The following ABCB9 variants were observed in gnomAD, a reference collection of about 807,000 sequenced individuals.
ABCB9 encodes the protein ABC-type oligopeptide transporter ABCB9.
In ABCB9, 36 loss-of-function variants were observed where a neutral mutation model predicts 62.0. That is an observed-to-expected ratio of 0.58 (90% CI 0.45 to 0.77). The LOEUF is 0.77. Among genes scored for constraint, ABCB9 ranks in the 30% least tolerant of loss-of-function variants. ABCB9 has a pLI of 0.00. For synonymous variants in ABCB9, 435 were observed against 461.4 expected, an observed-to-expected ratio of 0.94 and a Z score of 0.73; for missense variants, 943 against 1,054.7, an observed-to-expected ratio of 0.89 and a Z score of 1.47.
chr12:122,970,869 G>A (rs974389351), upstream of ABCB9, among the ~76,000 whole-genome samples: 1 of 152,162 alleles, frequency 6.6e-6, no homozygotes, highest in Non-Finnish European at 1.5e-5. Context: ...GAAAAGGCAC[G>A]GAGGAACCTT....
At chr12:122,949,659 GAACT>G in intron 4 of ABCB9, 125 bp downstream of exon 4, 1 of 1,274,176 alleles carries the variant, frequency 7.8e-7, no homozygotes, top group Non-Finnish European at 1.1e-6. Context: ...TTCCCAGCCT[GAACT>G]AACAGCAGGA....
intron 7 of ABCB9, among the ~76,000 whole-genome samples, chr12:122,941,354 G>T (rs2135810120): frequency 6.6e-6 from 1 of 150,572 alleles, no homozygotes; most frequent in East Asian, 1.9e-4. Context: ...CTGTCGCCCA[G>T]GCTGGAGTGC....
chr12:122,951,401 T>A (rs1330517355), intron 2 of ABCB9: 2 of 151,914 alleles, frequency 1.3e-5, no homozygotes, highest in Non-Finnish European at 2.9e-5. Flanking sequence ...ATTTTTTGTA[T>A]TTTTTTGTAG....
At chr12:122,931,164 A>G (rs950590732) in intron 11 of ABCB9, among the ~76,000 whole-genome samples, 2 of 151,942 alleles carry the variant, frequency 1.3e-5, no homozygotes, top group East Asian at 1.9e-4. Flanking sequence ...AGCTAGGATT[A>G]CAGGCACCTG....
chr12:122,948,461 C>A, intron 5 of ABCB9, 163 bp downstream of exon 5: 1 of 680,192 alleles, frequency 1.5e-6, no homozygotes, highest in Non-Finnish European at 2.3e-6. Flanking sequence ...AGCAGGTGGT[C>A]AATAATTATT....
chr12:122,957,226 T>C (rs1203426265), intron 2 of ABCB9, among the ~76,000 whole-genome samples: 2 of 151,960 alleles, frequency 1.3e-5, no homozygotes, highest in African/African-American at 4.8e-5. Context: ...ACATTTCTTT[T>C]AGAGACAGGG....
In ABCB9 at chr12:122,940,836, G is replaced by A. The variant is rs367915463; in HGVS notation, c.1540C>T (p.Arg514Cys). ...VDFENVTFTY[R>C]TRPHTQVLQN... ...AGGACCTGGGTGTGGGGCCGAGTGCGGTAGGTGAAGGTCACATTCTCAAAG... is the reference window on the plus strand; with the variant it reads ...AGGACCTGGGTGTGGGGCCGAGTGCAGTAGGTGAAGGTCACATTCTCAAAG... The change falls in exon 8 of 12, where the codon CGC becomes TGC. Residue 514 changes from arginine to cysteine, a missense_variant. Coordinates refer to ENST00000280560, the MANE Select transcript of ABCB9 (RefSeq NM_019625.4). This position sits in a 1 kb window ranked among gnomAD's most constrained non-coding sequence, Gnocchi z 4.8. 8.7e-6 allele frequency: 14 copies of A among 1,603,614 alleles called. No homozygotes were observed. The highest frequency in any genetic ancestry group is 6.7e-5 in the African/African-American group (5 of 74,844).
intron 2 of ABCB9, chr12:122,950,836 G>A: frequency 2.6e-6 from 1 of 390,124 alleles, no homozygotes; most frequent in Non-Finnish European, 4.8e-6. Context: ...CAGGGCTCCT[G>A]CAGGATGCTT....
chr12:122,924,270 G>T (rs1007288497), downstream of ABCB9, among the ~76,000 whole-genome samples: 1 of 152,098 alleles, frequency 6.6e-6, no homozygotes, highest in African/African-American at 2.4e-5. Context: ...CTTTTCTCTG[G>T]GCCTCAGTTT....
chr12:122,952,169 A>T (rs962036530), intron 2 of ABCB9: 3 of 152,526 alleles, frequency 2.0e-5, no homozygotes, highest in African/African-American at 7.2e-5. Context: ...CTAGAACAGT[A>T]CGAAATCAGT....
chr12:122,974,835 C>A (rs778921819), exon 1 of ABCB9: 9 of 160,846 alleles, frequency 5.6e-5, no homozygotes, highest in Non-Finnish European at 1.1e-4. Context: ...GAAGCACCAG[C>A]GGGAACTAGT....
At chr12:122,924,900 A>C, downstream of ABCB9, 3 of 1,324,764 alleles carry the variant, frequency 2.3e-6, no homozygotes, top group Non-Finnish European at 3.1e-6. Flanking sequence ...CTCCACACCC[A>C]CCAGGATGGT....
chr12:122,935,123 G>A, intron 10 of ABCB9, 149 bp downstream of exon 10: 1 of 954,434 alleles, frequency 1.0e-6, no homozygotes. Context: ...CTTGAGCGCA[G>A]GAGGTTCGAG....
intron 11 of ABCB9, among the ~76,000 whole-genome samples, chr12:122,923,263 C>T (rs1016710269): frequency 1.3e-5 from 2 of 151,696 alleles, no homozygotes; most frequent in African/African-American, 4.8e-5. Context: ...CCACTGTGTC[C>T]TGCCTTACAC....
rs983693109 is a variant in ABCB9, at chr12:122,944,828, C to A, written c.1252-309G>T. 3.6e-6 allele frequency: 1 copy of A among 276,080 alleles called. No homozygotes were observed. The highest frequency in any genetic ancestry group is 7.2e-6 in the Non-Finnish European group (1 of 139,090). The allele number at this position is 276,080 out of a possible 1,614,324, so 17.1% of individuals were successfully genotyped here. ...TCAGCTTGGCCACCTGGGAACTATT[C>A]GTCCTCCTCATGGGGAAGAGCATGA... On this transcript the variant is annotated intron_variant, in intron 6 of 11. Transcript: ENST00000280560. This position sits in a 1 kb window ranked among gnomAD's most constrained non-coding sequence, Gnocchi z 4.9.
chr12:122,963,725 G>GC (rs899500285), intron 1 of ABCB9, among the ~76,000 whole-genome samples: 3 of 152,072 alleles, frequency 2.0e-5, no homozygotes, highest in African/African-American at 7.3e-5. Flanking sequence ...GGAGTGGGGG[G>GC]ATATAACAAC....
intron 7 of ABCB9, among the ~76,000 whole-genome samples, chr12:122,941,448 A>G (rs1167797225): frequency 6.6e-6 from 1 of 151,636 alleles, no homozygotes; most frequent in Non-Finnish European, 1.5e-5. Flanking sequence ...AGCTGGGATT[A>G]CAGGTACTCG....
chr12:122,972,132 CT>C (rs999614296), intron 1 of ABCB9, among the ~76,000 whole-genome samples: 1 of 142,894 alleles, frequency 7.0e-6, no homozygotes, highest in African/African-American at 2.6e-5. Context: ...GCAAGCTCCG[CT>C]TCCCAGGTTT....
In ABCB9 at chr12:122,960,267, G is replaced by A. The variant is rs369770912; in HGVS notation, c.-32C>T. The stretch of plus-strand genomic sequence containing the variant: ...GGTTGGAGGTGGGCGGGTGCTGAAG[G>A]CCAGGTTGTAGCTCACGGGGGCAAG... On this transcript the variant is annotated 5_prime_UTR_variant, in exon 2 of 12. Transcript: ENST00000280560. 1.3e-6 allele frequency: 2 copies of A among 1,597,218 alleles called. No homozygotes were observed. The highest frequency in any genetic ancestry group is 1.7e-6 in the Non-Finnish European group (2 of 1,170,362).
Sources: allele counts gnomAD v4.1 joint callset (sites outside exome capture counted in the v4.1 genomes callset), GRCh38; gene constraint gnomAD v4.1.1; non-coding constraint Gnocchi (gnomAD v3.1); transcripts MANE v1.5; gene names NCBI Gene and HGNC (gene_info 2026-07-23, HGNC 2026-07-21).